Variants in SLC39A11 observed in about 807,000 individuals in gnomAD.
SLC39A11 encodes zinc transporter ZIP11.
Under a neutral mutation model 36.1 loss-of-function variants are expected in SLC39A11, and 33 were observed. That is an observed-to-expected ratio of 0.91 (90% CI 0.69 to 1.22). SLC39A11 has a LOEUF of 1.22. Among genes scored for constraint, SLC39A11 ranks in the 50% most tolerant of loss-of-function variants. The pLI, the probability that SLC39A11 is intolerant of heterozygous loss-of-function variation, is 0.00. For missense variants in SLC39A11, 432 were observed against 430.3 expected (o/e 1.00, Z -0.03); for synonymous variants, 166 against 170.3 (o/e 0.97, Z 0.20).
At chr17:72,975,332 T>C (rs1383145736) in intron 4 of SLC39A11, among the ~76,000 whole-genome samples, 2 of 152,176 alleles carry the variant, frequency 1.3e-5, no homozygotes, top group Non-Finnish European at 2.9e-5. Context: ...CCAGCCACTT[T>C]GGAGGCTGAG....
intron 4 of SLC39A11, among the ~76,000 whole-genome samples, chr17:72,967,399 A>AGAGTGTGTGTGTGTGT (rs143987646): frequency 5.1e-5 from 7 of 138,278 alleles, no homozygotes; most frequent in African/African-American, 1.9e-4. Flanking sequence ...AGAGAGAGAG[A>AGAGTGTGTGTGTGTGT]GTGTGTGTGT....
At chr17:72,762,563 G>T (rs1287421548) in intron 6 of SLC39A11, among the ~76,000 whole-genome samples, 1 of 152,136 alleles carries the variant, frequency 6.6e-6, no homozygotes, top group Non-Finnish European at 1.5e-5. Flanking sequence ...AGCCCTTGGG[G>T]CAGCTCTGCC....
In SLC39A11 at chr17:73,054,524, T is replaced by C. The variant is rs150758911; in HGVS notation, c.148-22810A>G. ...CCTCTGCCCTCAAGGTGCTTCTAGTTTGGGGAGGAAAGAAGACAAACAATT... is the reference window on the plus strand; with the variant it reads ...CCTCTGCCCTCAAGGTGCTTCTAGTCTGGGGAGGAAAGAAGACAAACAATT... On this transcript the variant is annotated intron_variant, in intron 3 of 9. Transcript: ENST00000255559. Among the ~76,000 whole-genome samples, 26 of 152,004 alleles carry C rather than the reference T, an allele frequency of 1.7e-4. 1 individual carries two copies. The South Asian group carries it at 3.5e-3, about 21-fold the overall frequency.
intron 3 of SLC39A11, among the ~76,000 whole-genome samples, chr17:73,077,025 C>T (rs1184753719): frequency 1.3e-5 from 2 of 151,968 alleles, no homozygotes; most frequent in Non-Finnish European, 2.9e-5. Context: ...TAAATGCCAC[C>T]TGGAGGGCAA....
intron 5 of SLC39A11, among the ~76,000 whole-genome samples, chr17:72,904,475 G>A (rs2082550218): frequency 6.6e-6 from 1 of 152,030 alleles, no homozygotes; most frequent in East Asian, 1.9e-4. Flanking sequence ...CTTCACTCTG[G>A]TCTGCATGGC....
At chr17:72,739,729 C>T (rs765054830) in intron 6 of SLC39A11, among the ~76,000 whole-genome samples, 1 of 152,184 alleles carries the variant, frequency 6.6e-6, no homozygotes, top group Non-Finnish European at 1.5e-5. Flanking sequence ...CTGAAGGTGG[C>T]TGGCTGGAGT....
chr17:72,939,374 G>T (rs2084954188), intron 5 of SLC39A11, among the ~76,000 whole-genome samples: 1 of 151,228 alleles, frequency 6.6e-6, no homozygotes, highest in Non-Finnish European at 1.5e-5. Context: ...CAGGAGAACT[G>T]CTTGAACCCG....
At chr17:72,900,228 AG>A (rs1232025187) in intron 5 of SLC39A11, among the ~76,000 whole-genome samples, 4 of 150,368 alleles carry the variant, frequency 2.7e-5, no homozygotes, top group African/African-American at 9.8e-5. Flanking sequence ...AAAGAAAGAA[AG>A]AAAAAGACAG....
intron 3 of SLC39A11, among the ~76,000 whole-genome samples, chr17:73,038,643 A>G (rs1300286275): frequency 6.6e-6 from 1 of 151,232 alleles, no homozygotes; most frequent in Non-Finnish European, 1.5e-5. Context: ...GGAGGCAGAG[A>G]TTGCAGTGAG....
chr17:72,978,860 TG>T (rs1174367896), intron 4 of SLC39A11, among the ~76,000 whole-genome samples: 1 of 152,218 alleles, frequency 6.6e-6, no homozygotes, highest in African/African-American at 2.4e-5. Context: ...ACGCCAACTC[TG>T]GTAAGGCCCT....
chr17:72,933,408 A>G (rs1327906376), intron 5 of SLC39A11, among the ~76,000 whole-genome samples: 2 of 152,242 alleles, frequency 1.3e-5, no homozygotes, highest in African/African-American at 2.4e-5. Flanking sequence ...AAAGGAAATC[A>G]AAGACTTTGG....
rs190944593 is a variant in SLC39A11 at position 73,088,518 on chromosome 17, G to A, written c.108+139C>T. On this transcript the variant is annotated intron_variant, in intron 2 of 9. Coordinates refer to ENST00000255559, the MANE Select transcript of SLC39A11 (RefSeq NM_139177.4). ...GAAGGTGAGAAAATAAGAAGACAGC[G>A]AACAAACCCCAGTACACAATGCCTG... 2.7e-3 allele frequency: 1,766 copies of A among 642,374 alleles called. 4 individuals carry two copies. The highest frequency in any genetic ancestry group is 3.8e-3 in the Non-Finnish European group (1,373 of 360,676). The allele number at this position is 642,374 out of a possible 1,614,324, so 39.8% of individuals were successfully genotyped here.
intron 2 of SLC39A11, among the ~76,000 whole-genome samples, chr17:73,085,364 G>A (rs1012528725): frequency 6.6e-6 from 1 of 151,850 alleles, no homozygotes; most frequent in Non-Finnish European, 1.5e-5. Context: ...AAAAAAAATA[G>A]GCTGGGTGCA....
At chr17:72,653,623 A>G (rs2069971136) in intron 7 of SLC39A11, among the ~76,000 whole-genome samples, 1 of 151,942 alleles carries the variant, frequency 6.6e-6, no homozygotes, top group Admixed American at 6.6e-5. Context: ...TATTTTTAGT[A>G]GAGATGGGGT....
At position 72,670,158 on chromosome 17, in the gene SLC39A11, TATACAC is replaced by T. The variant is rs1172721158; in HGVS notation, c.672-20896_672-20891del. ...TACGTATACACACACACACATTTTA[TATACAC>T]ACACACACACACACACACACACACA... On this transcript the variant is annotated intron_variant, in intron 7 of 9. Transcript: ENST00000255559. 6.5e-3 allele frequency among the ~76,000 whole-genome samples: 824 copies of T among 126,254 alleles called. 9 individuals are homozygous for T. The highest frequency in any genetic ancestry group is 0.016 in the Middle Eastern group (4 of 254). 82.8% of individuals were successfully genotyped at this position (126,254 alleles called of 152,430 possible).
intron 3 of SLC39A11, chr17:73,072,660 T>C (rs1256951858): frequency 6.6e-6 from 1 of 152,242 alleles, no homozygotes; most frequent in Non-Finnish European, 1.5e-5. Context: ...CCCCCTCTTC[T>C]TGAAGCAAGA....
chr17:73,067,270 A>C (rs1164651215), intron 3 of SLC39A11, among the ~76,000 whole-genome samples: 1 of 152,238 alleles, frequency 6.6e-6, no homozygotes, highest in Non-Finnish European at 1.5e-5. Context: ...TCATATGAAT[A>C]AGTTGTGGCC....
intron 7 of SLC39A11, among the ~76,000 whole-genome samples, chr17:72,716,988 TATATAC>T (rs1166263636): frequency 7.9e-6 from 1 of 126,878 alleles, no homozygotes; most frequent in African/African-American, 3.4e-5. Context: ...AAAATATATA[TATATAC>T]ACACACACAC....
In SLC39A11 at chr17:72,655,774, G is replaced by T. The variant is rs180884247; in HGVS notation, c.672-6506C>A. 4.3e-4 allele frequency among the ~76,000 whole-genome samples: 65 copies of T among 152,274 alleles called. 1 individual carries two copies. The East Asian group carries it at 0.012, about 28-fold the overall frequency. On this transcript the variant is annotated intron_variant, in intron 7 of 9. Coordinates refer to ENST00000255559, the MANE Select transcript of SLC39A11 (RefSeq NM_139177.4). Reference sequence around the variant, plus strand: ...TGAGGGCAGGAGCAGCAAAGCAGGTGGTATTCGGGGATATGGATGCATAAC... The same window carrying T: ...TGAGGGCAGGAGCAGCAAAGCAGGTTGTATTCGGGGATATGGATGCATAAC...
Sources: allele counts gnomAD v4.1 joint callset (sites outside exome capture counted in the v4.1 genomes callset), GRCh38; gene constraint gnomAD v4.1.1; transcripts MANE v1.5; gene names NCBI Gene and HGNC (gene_info 2026-07-23, HGNC 2026-07-21).